The following FBN2 variants were observed in gnomAD, a reference collection of about 807,000 sequenced individuals.
The protein encoded by FBN2 is fibrillin-2.
A neutral mutation model predicts 355.6 loss-of-function variants in FBN2; 105 were observed. That is an observed-to-expected ratio of 0.30 (90% CI 0.25 to 0.35). FBN2 has a LOEUF of 0.35. Among genes scored for constraint, FBN2 ranks in the 10% least tolerant of loss-of-function variants. The pLI is 1.00. For synonymous variants in FBN2, 1,350 were observed against 1,301.2 expected, an observed-to-expected ratio of 1.04 and a Z score of -0.81; for missense variants, 3,280 against 3,758.7, an observed-to-expected ratio of 0.87 and a Z score of 3.33.
chr5:128,482,700 A>G (rs1446534306), intron 5 of FBN2, among the ~76,000 whole-genome samples: 2 of 152,136 alleles, frequency 1.3e-5, no homozygotes, highest in African/African-American at 2.4e-5. Flanking sequence ...CTAGAGTCCC[A>G]TTTTTTAATC....
At chr5:128,341,861 T>C (rs979891925) in intron 25 of FBN2, among the ~76,000 whole-genome samples, 4 of 152,190 alleles carry the variant, frequency 2.6e-5, no homozygotes, top group African/African-American at 9.6e-5. Context: ...TCACAGGTAA[T>C]TGAAATAGCC....
At chr5:128,378,721 G>C in intron 12 of FBN2, 50 bp downstream of exon 12, 1 of 1,606,372 alleles carries the variant, frequency 6.2e-7, no homozygotes, top group Non-Finnish European at 8.5e-7. Flanking sequence ...AACAGCCTTG[G>C]TCACTATATT....
intron 35 of FBN2, among the ~76,000 whole-genome samples, chr5:128,318,607 A>G (rs1455887429): frequency 6.6e-6 from 1 of 151,928 alleles, no homozygotes; most frequent in African/African-American, 2.4e-5. Flanking sequence ...TACTATATAT[A>G]CATATACATG....
At chr5:128,479,976 CTATATATATATA>C (rs200921131) in intron 5 of FBN2, among the ~76,000 whole-genome samples, 669 of 28,866 alleles carry the variant, frequency 0.023, 5 homozygotes, top group East Asian at 0.037. Flanking sequence ...CTCTCTCTCT[CTATATATATATA>C]TATATATATA....
At chr5:128,439,895 A>G (rs1753871378) in intron 7 of FBN2, among the ~76,000 whole-genome samples, 2 of 152,124 alleles carry the variant, frequency 1.3e-5, no homozygotes, top group African/African-American at 4.8e-5. Flanking sequence ...AATTGTATAG[A>G]TAATATTTGT....
At position 128,310,386 on chromosome 5, in the gene FBN2, ATATATATATATATATATTTT is replaced by A. The variant is rs1488546323; in HGVS notation, c.5075-298_5075-279del. Among the ~76,000 whole-genome samples, 639 of 31,446 alleles carry A rather than the reference ATATATATATATATATATTTT, an allele frequency of 0.02. 6 individuals carry two copies. The highest frequency in any genetic ancestry group is 0.11 in the Middle Eastern group (4 of 36). The allele number at this position is 31,446 out of a possible 152,430, so 20.6% of individuals were successfully genotyped here. A position where few individuals can be genotyped will look rare whatever the true frequency, so the allele number is the denominator to read the frequency against. On this transcript the variant is annotated intron_variant, in intron 39 of 64. Transcript: ENST00000262464. Reference sequence around the variant, plus strand: ...GGCACATATATATATATATATATATATATATATATATATATATTTTTTTTTTTTTTTTTTTATTGCAATTC... The same window carrying A: ...GGCACATATATATATATATATATATATTTTTTTTTTTTTTTATTGCAATTC...
In FBN2 at chr5:128,310,944, C is replaced by A. The variant is rs376953394; in HGVS notation, c.5074+356G>T. Among the ~76,000 whole-genome samples, 2 of 152,064 alleles carry A rather than the reference C, an allele frequency of 1.3e-5. 1 individual carries two copies. Among genetic ancestry groups the A allele is most frequent in the South Asian group, 4.1e-4 (2 of 4,820 alleles). On this transcript the variant is annotated intron_variant, in intron 39 of 64. Transcript: ENST00000262464. Reference sequence around the variant, plus strand: ...AGTCCAACATTTAAAAATTACTGATCAATATTAAGTTAATGGTCACATTTT... The same window carrying A: ...AGTCCAACATTTAAAAATTACTGATAAATATTAAGTTAATGGTCACATTTT...
At chr5:128,303,606 T>C (rs954424697) in intron 45 of FBN2, among the ~76,000 whole-genome samples, 1 of 152,154 alleles carries the variant, frequency 6.6e-6, no homozygotes, top group African/African-American at 2.4e-5. Context: ...TAAGAAAATA[T>C]TTAGAAAGGT....
intron 5 of FBN2, among the ~76,000 whole-genome samples, chr5:128,467,179 G>A (rs1193646083): frequency 2.0e-5 from 3 of 151,962 alleles, no homozygotes; most frequent in Non-Finnish European, 2.9e-5. Context: ...TCTTAGTACC[G>A]TCTCTGTGGA....
At chr5:128,416,749 G>A (rs1175043434) in intron 7 of FBN2, among the ~76,000 whole-genome samples, 1 of 152,098 alleles carries the variant, frequency 6.6e-6, no homozygotes, top group Non-Finnish European at 1.5e-5. Flanking sequence ...CTGTTCCACT[G>A]GTCTAGTATC....
intron 11 of FBN2, among the ~76,000 whole-genome samples, chr5:128,391,513 G>A (rs2126976583): frequency 6.6e-6 from 1 of 152,174 alleles, no homozygotes; most frequent in East Asian, 1.9e-4. Flanking sequence ...ATCAATAAAT[G>A]TCTTAATATT....
Position 128,317,864 on chromosome 5 carries a change from A to G in FBN2, c.4717+285T>C, listed in dbSNP as rs414540. On this transcript the variant is annotated intron_variant, in intron 36 of 64. Transcript: ENST00000262464. ...CCACTCTGGGTTATCCTGGCCAAAC[A>G]CTGGACAAGGAGCCAGGTGGCAACC... is the stretch of plus-strand genomic sequence containing the variant. 0.21 allele frequency among the ~76,000 whole-genome samples: 32,354 copies of G among 152,158 alleles called. 3,544 individuals are homozygous for G. The highest frequency in any genetic ancestry group is 0.25 in the African/African-American group (10,268 of 41,480).
intron 7 of FBN2, among the ~76,000 whole-genome samples, chr5:128,427,878 A>G (rs1753523059): frequency 6.6e-6 from 1 of 152,150 alleles, no homozygotes; most frequent in South Asian, 2.1e-4. Flanking sequence ...TGTTTGGCTT[A>G]CCTGCATTGG....
At chr5:128,479,895 C>G (rs894025148) in intron 5 of FBN2, among the ~76,000 whole-genome samples, 2 of 146,236 alleles carry the variant, frequency 1.4e-5, no homozygotes, top group Admixed American at 1.4e-4. Context: ...CCACTGCATT[C>G]TAGCCTGGGC....
chr5:128,387,049 T>G (rs1029233890), intron 11 of FBN2, among the ~76,000 whole-genome samples: 1 of 152,112 alleles, frequency 6.6e-6, no homozygotes, highest in Non-Finnish European at 1.5e-5. Flanking sequence ...TGGCGGAATT[T>G]GTCTGTGAAT....
chr5:128,288,020 G>A (rs1749207973), intron 53 of FBN2, among the ~76,000 whole-genome samples: 1 of 152,178 alleles, frequency 6.6e-6, no homozygotes. Flanking sequence ...CTGAGGGTCT[G>A]CTATTGTGCC....
intron 4 of FBN2, among the ~76,000 whole-genome samples, chr5:128,520,629 T>C (rs1277065421): frequency 2.0e-5 from 3 of 152,166 alleles, no homozygotes; most frequent in Non-Finnish European, 4.4e-5. Context: ...ATCTCCAGAA[T>C]GCACAGAGTG....
At chr5:128,513,215 T>TAA (rs2127154518) in intron 5 of FBN2, among the ~76,000 whole-genome samples, 1 of 152,342 alleles carries the variant, frequency 6.6e-6, no homozygotes, top group East Asian at 1.9e-4. Context: ...AGACAGGTGT[T>TAA]ATTTAAGAAT....
chr5:128,330,362 C>T (rs932537006), intron 33 of FBN2, among the ~76,000 whole-genome samples: 3 of 152,092 alleles, frequency 2.0e-5, no homozygotes, highest in South Asian at 4.1e-4. Flanking sequence ...TTACAAATGC[C>T]GTTATTTGAA....
Sources: gnomAD v4.1 joint callset for allele counts (sites outside exome capture counted in the v4.1 genomes callset) on GRCh38, gnomAD v4.1.1 for gene constraint, MANE v1.5 for transcripts, NCBI Gene and HGNC (gene_info 2026-07-23, HGNC 2026-07-21) for gene names.